The following LRFN5 variants were observed in gnomAD, a reference collection of about 807,000 sequenced individuals.
LRFN5 encodes leucine rich repeat and fibronectin type III domain containing 5.
Under a neutral mutation model 45.6 loss-of-function variants are expected in LRFN5, and 24 were observed. The ratio of observed to expected loss-of-function variants is 0.53; its 90% CI spans 0.38 to 0.74. LRFN5 has a LOEUF of 0.74. Ranked by LOEUF, LRFN5 falls within the 30% of genes least tolerant of loss-of-function variation. The pLI, the probability that LRFN5 is intolerant of heterozygous loss-of-function variation, is 0.00. For synonymous variants in LRFN5, 340 were observed against 313.8 expected (o/e 1.08, Z -0.88); for missense variants, 776 against 861.5 (o/e 0.90, Z 1.24).
At chr14:41,790,381 GTAC>G (rs1301408266) in intron 2 of LRFN5, among the ~76,000 whole-genome samples, 3 of 151,334 alleles carry the variant, frequency 2.0e-5, no homozygotes, top group Non-Finnish European at 4.4e-5. Flanking sequence ...TCCTTTAAAG[GTAC>G]TACTAATGAC....
At chr14:41,783,865 A>G (rs1410257512) in intron 2 of LRFN5, among the ~76,000 whole-genome samples, 1 of 152,196 alleles carries the variant, frequency 6.6e-6, no homozygotes, top group Non-Finnish European at 1.5e-5. Context: ...AGAGGTTCTT[A>G]CTTTTAATGT....
At chr14:41,636,126 A>G (rs1303758634) in intron 1 of LRFN5, among the ~76,000 whole-genome samples, 1 of 152,194 alleles carries the variant, frequency 6.6e-6, no homozygotes, top group Non-Finnish European at 1.5e-5. Flanking sequence ...GAGAAATTAT[A>G]CTGTTGGAAC....
At chr14:41,838,012 A>G (rs1888721775) in intron 2 of LRFN5, among the ~76,000 whole-genome samples, 2 of 152,194 alleles carry the variant, frequency 1.3e-5, no homozygotes. Context: ...TGCATCATCT[A>G]AAAAGGATGT....
chr14:41,848,498 T>TC (rs1415020067), intron 2 of LRFN5, among the ~76,000 whole-genome samples: 1 of 151,312 alleles, frequency 6.6e-6, no homozygotes, highest in Non-Finnish European at 1.5e-5. Context: ...GCATTATTTT[T>TC]TTTTCGTATT....
At chr14:41,893,299 G>A (rs1198669139) in intron 4 of LRFN5, 1 of 944,928 alleles carries the variant, frequency 1.1e-6, no homozygotes, top group African/African-American at 1.8e-5. Flanking sequence ...ATAGATAAAT[G>A]TTTCTATTCA....
At chr14:41,865,060 T>G (rs1255025453) in intron 2 of LRFN5, among the ~76,000 whole-genome samples, 1 of 152,166 alleles carries the variant, frequency 6.6e-6, no homozygotes, top group Non-Finnish European at 1.5e-5. Context: ...TATCATTATT[T>G]TAGAACAGTT....
chr14:41,631,281 G>A (rs1888523259), intron 1 of LRFN5, among the ~76,000 whole-genome samples: 1 of 151,786 alleles, frequency 6.6e-6, no homozygotes, highest in South Asian at 2.1e-4. Context: ...TATTTTTCTG[G>A]GCTTGTTCTT....
intron 2 of LRFN5, among the ~76,000 whole-genome samples, chr14:41,845,354 G>T (rs1232261817): frequency 5.3e-5 from 8 of 151,954 alleles, no homozygotes; most frequent in Non-Finnish European, 8.8e-5. Flanking sequence ...TGCATTTATT[G>T]TGTTATTCAT....
intron 1 of LRFN5, among the ~76,000 whole-genome samples, chr14:41,663,109 A>G (rs1316125165): frequency 6.6e-6 from 1 of 152,146 alleles, no homozygotes; most frequent in African/African-American, 2.4e-5. Context: ...ATATGTATAG[A>G]AACATGAGAG....
chr14:41,828,817 A>C (rs1436970593), intron 2 of LRFN5, among the ~76,000 whole-genome samples: 1 of 151,912 alleles, frequency 6.6e-6, no homozygotes, highest in Non-Finnish European at 1.5e-5. Flanking sequence ...ATTTTTCTTA[A>C]AGTTGAAAAT....
chr14:41,796,975 A>G (rs1203528694), intron 2 of LRFN5, among the ~76,000 whole-genome samples: 1 of 151,814 alleles, frequency 6.6e-6, no homozygotes, highest in Non-Finnish European at 1.5e-5. Context: ...TTAAAAATTC[A>G]CTTGTCTTTA....
chr14:41,652,581 A>G (rs1180759098), intron 1 of LRFN5, among the ~76,000 whole-genome samples: 1 of 152,086 alleles, frequency 6.6e-6, no homozygotes, highest in Non-Finnish European at 1.5e-5. Context: ...ACAAGGAGTG[A>G]CAGGCTGGTT....
intron 1 of LRFN5, among the ~76,000 whole-genome samples, chr14:41,730,584 G>A (rs1884127758): frequency 6.6e-6 from 1 of 151,792 alleles, no homozygotes; most frequent in Admixed American, 6.6e-5. Flanking sequence ...TATAAAAAAG[G>A]CATAGATAAT....
chr14:41,756,934 TGG>T (rs1885415898), intron 1 of LRFN5, among the ~76,000 whole-genome samples: 13 of 151,356 alleles, frequency 8.6e-5, no homozygotes, highest in Admixed American at 1.3e-4. Flanking sequence ...GATGGGGTTT[TGG>T]TGTGGGTGTC....
intron 1 of LRFN5, among the ~76,000 whole-genome samples, chr14:41,748,289 C>A (rs945159781): frequency 6.6e-6 from 1 of 151,878 alleles, no homozygotes; most frequent in African/African-American, 2.4e-5. Flanking sequence ...CATTAGCAGA[C>A]AAATGGCTAA....
chr14:41,682,788 T>TA (rs1383180938), intron 1 of LRFN5, among the ~76,000 whole-genome samples: 3 of 152,110 alleles, frequency 2.0e-5, no homozygotes, highest in African/African-American at 7.2e-5. Context: ...AACAGAGCAG[T>TA]AAGTAACAAG....
At chr14:41,683,732 C>G (rs1204807324) in intron 1 of LRFN5, among the ~76,000 whole-genome samples, 5 of 151,874 alleles carry the variant, frequency 3.3e-5, no homozygotes, top group Non-Finnish European at 7.4e-5. Flanking sequence ...TAGGAGTAAA[C>G]TTAACCAGAG....
At chr14:41,724,712 T>C (rs988248468) in intron 1 of LRFN5, among the ~76,000 whole-genome samples, 5 of 152,170 alleles carry the variant, frequency 3.3e-5, no homozygotes, top group Admixed American at 2.6e-4. Flanking sequence ...TGTAATAACC[T>C]GGAAAATTAT....
In LRFN5 at chr14:41,870,452, C is replaced by T. The variant is rs144229418; in HGVS notation, c.-20-16154C>T. Among the ~76,000 whole-genome samples, 133 of 152,226 alleles carry T rather than the reference C, an allele frequency of 8.7e-4. 1 individual carries two copies. In the East Asian group the frequency reaches 0.024, roughly 27 times the overall value. On this transcript the variant is annotated intron_variant, in intron 2 of 5. Transcript: ENST00000298119. ...CACGGCTAGGGAGGCCTCATAATCA[C>T]GGCAGAAAGTAAATGAGGAGCAAAG...
Sources: gnomAD v4.1 joint callset for allele counts (sites outside exome capture counted in the v4.1 genomes callset) on GRCh38, gnomAD v4.1.1 for gene constraint, MANE v1.5 for transcripts, NCBI Gene and HGNC (gene_info 2026-07-23, HGNC 2026-07-21) for gene names.